NSD2: variants seen among roughly 807,000 people sequenced by gnomAD.
NSD2 encodes the protein histone-lysine N-methyltransferase NSD2.
A neutral mutation model predicts 139.0 loss-of-function variants in NSD2; 12 were observed. The ratio of observed to expected loss-of-function variants is 0.09; its 90% CI spans 0.06 to 0.14. The LOEUF is 0.14. Among genes scored for constraint, NSD2 ranks in the 10% least tolerant of loss-of-function variants. NSD2 has a pLI of 1.00. For synonymous variants in NSD2, 669 were observed against 648.7 expected (o/e 1.03, Z -0.48); for missense variants, 1,155 against 1,745.0 (o/e 0.66, Z 6.02).
Position 1,952,346 on chromosome 4 carries a change from C to T in NSD2, c.2137+115C>T, listed in dbSNP as rs908967151. 2.7e-6 allele frequency: 4 copies of T among 1,466,038 alleles called. No individual in the cohort carries two copies. The African/African-American group carries it at 4.2e-5, about 15-fold the overall frequency. 90.8% of individuals were successfully genotyped at this position (1,466,038 alleles called of 1,614,324 possible). ...AGAGGACAAGCCCCCTCCCCACCCC[C>T]ACCGCCTGGCCCTCTCTGGAGCTTG... On this transcript the variant is annotated intron_variant, in intron 11 of 21. Transcript: ENST00000508803.
intron 17 of NSD2, 121 bp downstream of exon 17, chr4:1,959,861 T>A (rs1451972931): frequency 7.4e-7 from 1 of 1,351,010 alleles, no homozygotes; most frequent in Non-Finnish European, 1.0e-6. Context: ...GAAAAAAAAT[T>A]TTTTTTGTTT....
At chr4:1,885,169 C>T (rs1714995771) in intron 1 of NSD2, among the ~76,000 whole-genome samples, 1 of 151,618 alleles carries the variant, frequency 6.6e-6, no homozygotes. Context: ...TCCTTTGAAA[C>T]AAATAGTGCT....
At position 1,900,840 on chromosome 4, in the gene NSD2, G is replaced by A. The variant is rs1717060955; in HGVS notation, c.186G>A (p.Met62Ile). ...CCAGTAGCCTGCAGGAGGGGGTCAT[G>A]CAGAAGTTTAACGGCCACGACGCCC... ...QLSSSLQEGVMQKFNGHDALP... is the reference protein window; with the variant it reads ...QLSSSLQEGVIQKFNGHDALP... The change falls in exon 2 of 22, where the codon ATG becomes ATA. Residue 62 changes from methionine (M) to isoleucine (I), a missense_variant. Around this residue, in one of 8 missense-constraint regions of NSD2, gnomAD observed 246 missense variants for 262.8 expected, o/e 0.94. Transcript: ENST00000508803. 1 of 1,613,878 alleles carries A rather than the reference G, an allele frequency of 6.2e-7. No homozygotes were observed. The highest frequency in any genetic ancestry group is 2.2e-5 in the East Asian group (1 of 44,858).
At chr4:1,978,437 G>GCAGGTACTGTGGAGTCAACAGGCCCTGC in intron 21 of NSD2, among the ~76,000 whole-genome samples, 1 of 152,290 alleles carries the variant, frequency 6.6e-6, no homozygotes, top group Admixed American at 6.5e-5. Flanking sequence ...TAGGGGCCTG[G>GCAGGTACTGTGGAGTCAACAGGCCCTGC]CAGGTACTGT....
At chr4:1,967,247 A>T (rs1371048361) in intron 18 of NSD2, among the ~76,000 whole-genome samples, 1 of 152,242 alleles carries the variant, frequency 6.6e-6, no homozygotes, top group Non-Finnish European at 1.5e-5. Context: ...AAATCTGAAT[A>T]GACTTATAAC....
intron 7 of NSD2, among the ~76,000 whole-genome samples, chr4:1,937,630 A>G (rs567522571): frequency 8.5e-5 from 13 of 152,320 alleles, no homozygotes; most frequent in African/African-American, 2.9e-4. Flanking sequence ...CACTTCTGAC[A>G]TGCTAGGCAC....
intron 1 of NSD2, among the ~76,000 whole-genome samples, chr4:1,898,525 G>A (rs528349572): frequency 2.0e-5 from 3 of 151,998 alleles, no homozygotes; most frequent in African/African-American, 7.2e-5. Context: ...TTAGCCGGGC[G>A]TGGTGGTGGG....
chr4:1,904,457 C>T (rs1717619051), intron 3 of NSD2, 79 bp downstream of exon 3: 1 of 1,453,618 alleles, frequency 6.9e-7, no homozygotes. Flanking sequence ...CTTTCTTACT[C>T]TTTCTAAATA....
At chr4:1,935,385 G>T (rs896988177) in intron 7 of NSD2, 123 bp downstream of exon 7, 4 of 705,042 alleles carry the variant, frequency 5.7e-6, no homozygotes, top group Non-Finnish European at 9.6e-6. Flanking sequence ...CTCCTTCCAG[G>T]CTGGTATTCA....
intron 11 of NSD2, among the ~76,000 whole-genome samples, 184 bp downstream of exon 11, chr4:1,952,415 G>A (rs1053697914): frequency 1.3e-5 from 2 of 152,196 alleles, no homozygotes; most frequent in African/African-American, 2.4e-5. Context: ...GTAGCTGCAG[G>A]GTTTGCTCTG....
At chr4:1,884,925 A>G (rs918874040) in intron 1 of NSD2, among the ~76,000 whole-genome samples, 12 of 151,704 alleles carry the variant, frequency 7.9e-5, no homozygotes, top group Non-Finnish European at 1.3e-4. Flanking sequence ...CCTGACCAAC[A>G]TGGAGAAACC....
At position 1,979,875 on chromosome 4, in the gene NSD2, G is replaced by A. The variant is rs1485554375; in HGVS notation, c.*966G>A. On this transcript the variant is annotated 3_prime_UTR_variant, in exon 22 of 22. Coordinates refer to ENST00000508803, the MANE Select transcript of NSD2 (RefSeq NM_001042424.3). ...GAGTGACTTTGCAGGGCGTGAGACCGCAGTCTGCTTAGAGCACAGGAAGTG... is the reference window on the plus strand; with the variant it reads ...GAGTGACTTTGCAGGGCGTGAGACCACAGTCTGCTTAGAGCACAGGAAGTG... 1.7e-5 allele frequency: 4 copies of A among 232,228 alleles called. No individual in the cohort carries two copies. Among genetic ancestry groups the A allele is most frequent in the African/African-American group, 4.4e-5 (2 of 45,282 alleles). 14.4% of individuals were successfully genotyped at this position (232,228 alleles called of 1,614,324 possible).
intron 6 of NSD2, among the ~76,000 whole-genome samples, chr4:1,934,878 A>AT (rs61664298): frequency 9.1e-5 from 2 of 22,048 alleles, no homozygotes; most frequent in African/African-American, 4.3e-4. Flanking sequence ...AAAAAAAAAA[A>AT]ATATATATAT....
chr4:1,897,471 G>A (rs925339614), intron 1 of NSD2, among the ~76,000 whole-genome samples: 2 of 151,796 alleles, frequency 1.3e-5, no homozygotes, highest in Non-Finnish European at 2.9e-5. Context: ...AGCTTCGGTG[G>A]TAGTGAGACC....
intron 11 of NSD2, 146 bp from the exon 12 acceptor site, chr4:1,953,178 A>C (rs902811744): frequency 6.4e-7 from 1 of 1,558,000 alleles, no homozygotes; most frequent in African/African-American, 1.4e-5. Flanking sequence ...TGCTTGGACT[A>C]GTGAGCAAGG....
At chr4:1,893,832 A>G (rs1211940608) in intron 1 of NSD2, 1 of 152,220 alleles carries the variant, frequency 6.6e-6, no homozygotes, top group Non-Finnish European at 1.5e-5. Context: ...GGTGTGAGCC[A>G]CTGCACCCGG....
At chr4:1,902,516 G>T (rs186046703) in intron 2 of NSD2, among the ~76,000 whole-genome samples, 11 of 152,172 alleles carry the variant, frequency 7.2e-5, no homozygotes, top group Non-Finnish European at 1.3e-4. Context: ...GAGCTACCAT[G>T]CCCAGCCTAC....
At chr4:1,887,551 C>T (rs1715205087) in intron 1 of NSD2, 1 of 152,308 alleles carries the variant, frequency 6.6e-6, no homozygotes, top group African/African-American at 2.4e-5. Flanking sequence ...TCATAGCTCA[C>T]TGTAGCCTCC....
rs770491965 is a variant in NSD2, at chr4:1,942,612, A to G, written c.1881+2834A>G. ...ATTTAATCCGTCACATTCATCTCAT[A>G]ATAGAAACACGTTCATATTCCAGTG... is the stretch of plus-strand genomic sequence containing the variant. On this transcript the variant is annotated intron_variant, in intron 9 of 21. Coordinates refer to ENST00000508803, the MANE Select transcript of NSD2 (RefSeq NM_001042424.3). This position sits in a 1 kb window ranked among gnomAD's most constrained non-coding sequence, Gnocchi z 4.0. The G allele has an allele frequency of 4.1e-5, 53 of 1,281,182 alleles. No homozygotes were observed. Among genetic ancestry groups the G allele is most frequent in the Non-Finnish European group, 5.0e-5 (51 of 1,011,216 alleles). The allele number at this position is 1,281,182 out of a possible 1,614,324, so 79.4% of individuals were successfully genotyped here.
Sources: gnomAD v4.1 joint callset for allele counts (sites outside exome capture counted in the v4.1 genomes callset) on GRCh38, gnomAD v4.1.1 for gene constraint, gnomAD v4.1.1 regional missense constraint, Gnocchi (gnomAD v3.1) non-coding constraint, MANE v1.5 for transcripts, NCBI Gene and HGNC (gene_info 2026-07-23, HGNC 2026-07-21) for gene names.